Variants in PRICKLE1 observed in about 807,000 individuals in gnomAD.
The protein encoded by PRICKLE1 is prickle planar cell polarity protein 1, also known as prickle-like protein 1.
Under a neutral mutation model 70.2 loss-of-function variants are expected in PRICKLE1, and 14 were observed. The ratio of observed to expected loss-of-function variants is 0.20; its 90% CI spans 0.13 to 0.31. PRICKLE1 has a LOEUF of 0.31. Ranked by LOEUF, PRICKLE1 falls within the 10% of genes least tolerant of loss-of-function variation. PRICKLE1 has a pLI of 1.00. For synonymous variants in PRICKLE1, 357 were observed against 379.9 expected, an observed-to-expected ratio of 0.94 and a Z score of 0.70; for missense variants, 821 against 1,026.2, an observed-to-expected ratio of 0.80 and a Z score of 2.73.
At position 42,492,913 on chromosome 12, in the gene PRICKLE1, T is replaced by C. The variant is rs139143407; in HGVS notation, c.-48-20349A>G. On this transcript the variant is annotated intron_variant, in intron 1 of 7. Coordinates refer to ENST00000345127, the MANE Select transcript of PRICKLE1 (RefSeq NM_153026.3). ...GATACAGCAGATACTTTACCTGGCA[T>C]CTAGGGGATTCTCAATAGATATTTA... 3.5e-3 allele frequency among the ~76,000 whole-genome samples: 531 copies of C among 152,308 alleles called. 3 individuals are homozygous for C. The highest frequency in any genetic ancestry group is 6.1e-3 in the Non-Finnish European group (414 of 68,014).
chr12:42,537,314 A>T (rs748764128), intron 1 of PRICKLE1, among the ~76,000 whole-genome samples: 2 of 151,986 alleles, frequency 1.3e-5, no homozygotes, highest in African/African-American at 2.4e-5. Context: ...GTGCACCACC[A>T]TGCTCAGCTA....
intron 1 of PRICKLE1, among the ~76,000 whole-genome samples, chr12:42,494,578 G>A (rs1382323998): frequency 2.0e-5 from 3 of 152,092 alleles, no homozygotes; most frequent in South Asian, 4.2e-4. Flanking sequence ...AGGCTGAGAC[G>A]GGTGGATCAC....
At chr12:42,476,556 T>G (rs182965157) in intron 1 of PRICKLE1, among the ~76,000 whole-genome samples, 1 of 152,354 alleles carries the variant, frequency 6.6e-6, no homozygotes, top group Non-Finnish European at 1.5e-5. Context: ...CCTCAGGGGA[T>G]CTGCCCGCTT....
At chr12:42,461,831 C>T (rs779670454) in intron 7 of PRICKLE1, among the ~76,000 whole-genome samples, 7 of 152,178 alleles carry the variant, frequency 4.6e-5, no homozygotes, top group Non-Finnish European at 8.8e-5. Flanking sequence ...TGGAGTCTCG[C>T]TCTGTCGCCC....
chr12:42,523,168 T>C (rs1313625091), intron 1 of PRICKLE1, among the ~76,000 whole-genome samples: 4 of 152,060 alleles, frequency 2.6e-5, no homozygotes, highest in South Asian at 2.1e-4. Context: ...GGGGTTTCAC[T>C]GTGTTAGCCA....
intron 1 of PRICKLE1, among the ~76,000 whole-genome samples, chr12:42,510,629 C>T (rs1939495900): frequency 6.6e-6 from 1 of 151,602 alleles, no homozygotes; most frequent in Non-Finnish European, 1.5e-5. Flanking sequence ...GTATTTTATT[C>T]CTGGTATAAT....
intron 1 of PRICKLE1, among the ~76,000 whole-genome samples, chr12:42,559,636 T>TTC (rs769414237): frequency 1.1e-5 from 1 of 88,142 alleles, no homozygotes; most frequent in African/African-American, 4.2e-5. Flanking sequence ...TTTTTTTTTT[T>TTC]GGGGGGGGTA....
intron 1 of PRICKLE1, among the ~76,000 whole-genome samples, chr12:42,526,024 T>C (rs761041598): frequency 6.6e-6 from 1 of 152,128 alleles, no homozygotes; most frequent in Non-Finnish European, 1.5e-5. Context: ...AATTAAGGGA[T>C]CTTACGTGTT....
chr12:42,534,466 CTAT>C (rs935984607), intron 1 of PRICKLE1, among the ~76,000 whole-genome samples: 1 of 152,104 alleles, frequency 6.6e-6, no homozygotes, highest in Non-Finnish European at 1.5e-5. Context: ...TGAGCTGTGG[CTAT>C]TATTATTATC....
chr12:42,470,798 C>T (rs1028562637), intron 2 of PRICKLE1, among the ~76,000 whole-genome samples: 1 of 151,472 alleles, frequency 6.6e-6, no homozygotes, highest in African/African-American at 2.4e-5. Context: ...CCTAGCTACT[C>T]GGGAGGCTGA....
chr12:42,488,912 A>G (rs980421069), intron 1 of PRICKLE1, among the ~76,000 whole-genome samples: 1 of 147,784 alleles, frequency 6.8e-6, no homozygotes, highest in African/African-American at 2.6e-5. Flanking sequence ...CCTTTTCTCT[A>G]TCAATCTATC....
chr12:42,534,916 G>A (rs1182259773), intron 1 of PRICKLE1, among the ~76,000 whole-genome samples: 1 of 152,216 alleles, frequency 6.6e-6, no homozygotes, highest in African/African-American at 2.4e-5. Flanking sequence ...CAGTAGATAT[G>A]TATGGTTTTT....
At chr12:42,587,132 C>A (rs1433823545) in intron 1 of PRICKLE1, among the ~76,000 whole-genome samples, 1 of 152,130 alleles carries the variant, frequency 6.6e-6, no homozygotes, top group Non-Finnish European at 1.5e-5. Flanking sequence ...GTGTTACTGG[C>A]AGAACTGATT....
chr12:42,573,915 T>C (rs1940762949), intron 1 of PRICKLE1, among the ~76,000 whole-genome samples: 1 of 152,164 alleles, frequency 6.6e-6, no homozygotes, highest in South Asian at 2.1e-4. Flanking sequence ...AAGGAAGTGG[T>C]AATATTGTCT....
intron 1 of PRICKLE1, among the ~76,000 whole-genome samples, chr12:42,482,466 T>A (rs1938828191): frequency 6.6e-6 from 1 of 152,208 alleles, no homozygotes; most frequent in Non-Finnish European, 1.5e-5. Context: ...AGTCTTCTAT[T>A]GATTTTTTGG....
rs755979431 is a variant in PRICKLE1, at chr12:42,464,829, G to A, written c.1205C>T (p.Pro402Leu). Residue 402 changes from proline to leucine, a missense_variant, in exon 7 of 8, where the codon CCA (proline) becomes CTA (leucine). Pro to Leu is a moderately conservative substitution (Grantham distance 98). Transcript: ENST00000345127. This position sits in a 1 kb window ranked among gnomAD's most constrained non-coding sequence, Gnocchi z 4.2. The part of the protein sequence containing the change: ...FWKGRVEQET[P>L]EDPEEWADHE... Reference sequence around the variant, plus strand: ...ATCAGCCCATTCTTCAGGGTCTTCTGGAGTTTCCTGCTCTACTCTGCCTTT... The same window carrying A: ...ATCAGCCCATTCTTCAGGGTCTTCTAGAGTTTCCTGCTCTACTCTGCCTTT... 6.8e-6 allele frequency: 11 copies of A among 1,614,052 alleles called. No individual in the cohort carries two copies. In the South Asian group the frequency reaches 1.2e-4, roughly 18 times the overall value.
chr12:42,535,856 T>C (rs1940009086), intron 1 of PRICKLE1, among the ~76,000 whole-genome samples: 1 of 151,316 alleles, frequency 6.6e-6, no homozygotes, highest in African/African-American at 2.4e-5. Context: ...CAATAAATAG[T>C]TATTGGTTGT....
In PRICKLE1 at chr12:42,527,244, T is replaced by C. The variant is rs1939821364; in HGVS notation, c.-48-54680A>G. Among the ~76,000 whole-genome samples the C allele has an allele frequency of 2.7e-5, 4 of 148,298 alleles. No homozygotes were observed. In the South Asian group the frequency reaches 8.7e-4, roughly 32 times the overall value. On this transcript the variant is annotated intron_variant, in intron 1 of 7. Transcript: ENST00000345127. ...GCCTCCCAGGTTCAAGTGATTCTCCTGTCTCAGCCTCCTGAGTAGCTGGGA... is the reference window on the plus strand; with the variant it reads ...GCCTCCCAGGTTCAAGTGATTCTCCCGTCTCAGCCTCCTGAGTAGCTGGGA...
chr12:42,522,407 G>T (rs985710630), intron 1 of PRICKLE1, among the ~76,000 whole-genome samples: 1 of 152,086 alleles, frequency 6.6e-6, no homozygotes, highest in Non-Finnish European at 1.5e-5. Flanking sequence ...CTGAAATCAG[G>T]GGTTTTAGGG....
Sources: allele counts gnomAD v4.1 joint callset (sites outside exome capture counted in the v4.1 genomes callset), GRCh38; gene constraint gnomAD v4.1.1; non-coding constraint Gnocchi (gnomAD v3.1); transcripts MANE v1.5; gene names NCBI Gene and HGNC (gene_info 2026-07-23, HGNC 2026-07-21).